Variants in CSF2RB observed in about 807,000 individuals in gnomAD.
The protein encoded by CSF2RB is colony stimulating factor 2 receptor subunit beta, also known as cytokine receptor common subunit beta.
A neutral mutation model predicts 67.2 loss-of-function variants in CSF2RB; 22 were observed. The ratio of observed to expected loss-of-function variants is 0.33; its 90% CI spans 0.23 to 0.47. The LOEUF (loss-of-function observed/expected upper bound fraction) is 0.47, where lower values mean the gene tolerates loss of function less well. CSF2RB is among the 20% of genes least tolerant of loss of function. The pLI is 1.00. For synonymous variants in CSF2RB, 507 were observed against 482.9 expected, an observed-to-expected ratio of 1.05 and a Z score of -0.65; for missense variants, 1,113 against 1,174.5, an observed-to-expected ratio of 0.95 and a Z score of 0.76.
Position 36,938,286 on chromosome 22 carries a change from C to G in CSF2RB, c.2478C>G (p.Pro826=), listed in dbSNP as rs149165135. Residue 826 remains proline, a synonymous_variant, in exon 14 of 14, where the codon CCC becomes CCG. Transcript: ENST00000403662. ...AAGTGGGCGACTATTGCTTCCTCCC[C>G]GGCCTGGGGCCCGGCCCTCTCTCGC... ...LQQVGDYCFL[P]GLGPGPLSLR... 1.2e-6 allele frequency: 2 copies of G among 1,614,106 alleles called. No homozygotes were observed. Among genetic ancestry groups the G allele is most frequent in the African/African-American group, 2.7e-5 (2 of 74,946 alleles).
intron 3 of CSF2RB, 45 bp downstream of exon 3, chr22:36,923,412 T>G: frequency 1.2e-6 from 2 of 1,601,834 alleles, no homozygotes; most frequent in Non-Finnish European, 8.5e-7. Flanking sequence ...GGCTACGACG[T>G]CCCCTGTGCC....
At chr22:36,929,257 G>A in intron 4 of CSF2RB, 145 bp from the exon 5 acceptor site, 4 of 1,023,238 alleles carry the variant, frequency 3.9e-6, no homozygotes, top group Non-Finnish European at 6.0e-6. Context: ...GAGGCTCACA[G>A]AGGAGACGGG....
intron 1 of CSF2RB, among the ~76,000 whole-genome samples, chr22:36,918,743 G>A (rs1940781213): frequency 6.6e-6 from 1 of 152,222 alleles, no homozygotes; most frequent in African/African-American, 2.4e-5. Flanking sequence ...TAACAACATA[G>A]AAGTTTCTTT....
At chr22:36,926,245 C>T in intron 4 of CSF2RB, 68 bp downstream of exon 4, 1 of 1,505,552 alleles carries the variant, frequency 6.6e-7, no homozygotes, top group Non-Finnish European at 9.2e-7. Flanking sequence ...CAGGGGTGGT[C>T]CAGGGAGTCT....
Position 36,938,424 on chromosome 22 carries a change from G to A in CSF2RB, c.2616G>A (p.Gln872=). 5 of 1,614,158 alleles carry A rather than the reference G, an allele frequency of 3.1e-6. No individual in the cohort carries two copies. The highest frequency in any genetic ancestry group is 1.1e-5 in the South Asian group (1 of 91,084). ...GQAVPQVPVI[Q]LFKALKQQDY... ...CTGTGCCCCAGGTGCCCGTCATTCA[G>A]CTCTTCAAAGCCCTGAAGCAGCAGG... The change falls in exon 14 of 14, where the codon CAG becomes CAA. Residue 872 remains glutamine, a synonymous_variant. Coordinates refer to ENST00000403662, the MANE Select transcript of CSF2RB (RefSeq NM_000395.3).
Position 36,933,908 on chromosome 22 carries a change from C to T in CSF2RB, c.1229C>T (p.Ala410Val). ...PALEPSTRYW[A>V]RVRVRTSRTG... ...CTGGAGCCCTCCACCAGGTACTGGG[C>T]CAGGGTGAGGGTCAGGACCTCCCGC... Residue 410 changes from alanine (A) to valine (V), a missense_variant, in exon 10 of 14, where the codon GCC becomes GTC. Physicochemically the swap from Ala to Val is moderately conservative, Grantham distance 64 (BLOSUM62 0). Around this residue, in one of 2 missense-constraint regions of CSF2RB, gnomAD observed 559 missense variants for 656.5 expected, o/e 0.85. Transcript: ENST00000403662. The T allele has an allele frequency of 6.2e-7, 1 of 1,612,056 alleles. No individual in the cohort carries two copies. The highest frequency in any genetic ancestry group is 8.5e-7 in the Non-Finnish European group (1 of 1,179,974).
At chr22:36,931,118 C>T (rs1378369789) in intron 8 of CSF2RB, among the ~76,000 whole-genome samples, 2 of 152,252 alleles carry the variant, frequency 1.3e-5, no homozygotes, top group Admixed American at 6.5e-5. Context: ...CCTCCTGGTC[C>T]TGTCACCAAA....
rs148670393 is a variant in CSF2RB at position 36,917,697 on chromosome 22, G to A, written c.-173+4020G>A. On this transcript the variant is annotated intron_variant, in intron 1 of 13. Transcript: ENST00000403662. ...CCAGCACTTTGGGAGGCCAAGGTGG[G>A]CAGATCACTTGAGGCCAGGAGTTGA... 5.0e-3 allele frequency among the ~76,000 whole-genome samples: 757 copies of A among 152,276 alleles called. 5 individuals are homozygous for A. Among genetic ancestry groups the A allele is most frequent in the African/African-American group, 0.018 (739 of 41,548 alleles).
Position 36,932,871 on chromosome 22 carries a change from G to A in CSF2RB, c.1119G>A (p.Glu373=), listed in dbSNP as rs144452731. The A allele has an allele frequency of 5.1e-3, 8,257 of 1,614,150 alleles. 26 individuals are homozygous for A. The highest frequency in any genetic ancestry group is 5.6e-3 in the Non-Finnish European group (6,652 of 1,180,036). The change falls in exon 9 of 14, where the codon GAG becomes GAA. Residue 373 remains glutamate, a synonymous_variant. Transcript: ENST00000403662. ...MRYEHIDHTF[E]IQYRKDTATW... is the part of the protein sequence containing the mutation. The stretch of plus-strand genomic sequence containing the variant: ...ACGAACACATAGACCACACATTTGA[G>A]ATCCAGTACAGGAAAGACACGGCCA...
At chr22:36,926,278 G>A in intron 4 of CSF2RB, 101 bp downstream of exon 4, 2 of 1,225,524 alleles carry the variant, frequency 1.6e-6, no homozygotes, top group Non-Finnish European at 2.3e-6. Context: ...GCTGTGGCTT[G>A]GGGTTGGGTG....
chr22:36,938,356 A>C lies in CSF2RB; in HGVS notation c.2548A>C (p.Asn850His), dbSNP rs756494811. 6.2e-7 allele frequency: 1 copy of C among 1,614,130 alleles called. No individual in the cohort carries two copies. The highest frequency in any genetic ancestry group is 8.5e-7 in the Non-Finnish European group (1 of 1,180,012). Residue 850 changes from asparagine (N) to histidine (H), a missense_variant, in exon 14 of 14, where the codon AAC becomes CAC. Physicochemically the swap from Asn to His is moderately conservative, Grantham distance 68. This residue lies in a region of CSF2RB where 554 missense variants were observed against 517.9 expected (regional missense o/e 1.07). Coordinates refer to ENST00000403662, the MANE Select transcript of CSF2RB (RefSeq NM_000395.3). ...SSPGPGPEIK[N>H]LDQAFQVKKP... is the part of the protein sequence containing the mutation. ...CCCGGGACCCGGTCCTGAGATCAAG[A>C]ACCTAGACCAGGCTTTTCAAGTCAA...
In CSF2RB at chr22:36,937,761, C is replaced by A. The variant is rs774057390; in HGVS notation, c.1953C>A (p.Ala651=). 9 of 1,573,738 alleles carry A rather than the reference C, an allele frequency of 5.7e-6. No homozygotes were observed. The highest frequency in any genetic ancestry group is 1.9e-5 in the Admixed American group (1 of 52,660). The part of the protein sequence containing the change: ...PLAQAMGPGQ[A]VEVERRPSQG... The stretch of plus-strand genomic sequence containing the variant: ...CCCAGGCGATGGGACCAGGACAGGC[C>A]GTGGAAGTGGAGAGAAGGCCGAGCC... Residue 651 remains alanine, a synonymous_variant, in exon 14 of 14, where the codon GCC becomes GCA. Transcript: ENST00000403662. This position sits in a 1 kb window ranked among gnomAD's most constrained non-coding sequence, Gnocchi z 4.6.
At chr22:36,915,602 G>C (rs1453894235) in intron 1 of CSF2RB, among the ~76,000 whole-genome samples, 1 of 152,068 alleles carries the variant, frequency 6.6e-6, no homozygotes, top group South Asian at 2.1e-4. Context: ...CACCTAGATT[G>C]TTTCTAATTT....
Position 36,938,736 on chromosome 22 carries a change from T to G in CSF2RB, c.*234T>G, listed in dbSNP as rs981900608. The G allele has an allele frequency of 6.9e-5, 39 of 561,966 alleles. No individual in the cohort carries two copies. Among genetic ancestry groups the G allele is most frequent in the Middle Eastern group, 4.6e-4 (1 of 2,166 alleles). 34.8% of individuals were successfully genotyped at this position (561,966 alleles called of 1,614,324 possible). A position where few individuals can be genotyped will look rare whatever the true frequency, so the allele number is the denominator to read the frequency against. On this transcript the variant is annotated 3_prime_UTR_variant, in exon 14 of 14. Transcript: ENST00000403662. Reference sequence around the variant, plus strand: ...ACATGCACACATTTTTCCTGTCAGGTTAACTTATTTGTAGGTTCTGCATTA... The same window carrying G: ...ACATGCACACATTTTTCCTGTCAGGGTAACTTATTTGTAGGTTCTGCATTA...
chr22:36,934,392 T>C (rs1941225376), intron 10 of CSF2RB, among the ~76,000 whole-genome samples: 1 of 152,160 alleles, frequency 6.6e-6, no homozygotes, highest in African/African-American at 2.4e-5. Flanking sequence ...ACACCTGGTG[T>C]TCAGTACAGA....
Position 36,938,640 on chromosome 22 carries a change from G to T in CSF2RB, c.*138G>T. The T allele has an allele frequency of 1.1e-6, 1 of 901,624 alleles. No individual in the cohort carries two copies. Among genetic ancestry groups the T allele is most frequent in the Admixed American group, 2.9e-5 (1 of 34,554 alleles). The allele number at this position is 901,624 out of a possible 1,614,324, so 55.9% of individuals were successfully genotyped here. On this transcript the variant is annotated 3_prime_UTR_variant, in exon 14 of 14. Coordinates refer to ENST00000403662, the MANE Select transcript of CSF2RB (RefSeq NM_000395.3). ...GAGGCCTGGGAAAGGAGATAGCCTT[G>T]CTCCGGCCCCCTTGACCTTCAGCAA...
rs376146978 is a variant in CSF2RB at position 36,930,519 on chromosome 22, C to G, written c.854+9C>G. The G allele has an allele frequency of 7.4e-6, 12 of 1,612,970 alleles. No homozygotes were observed. The highest frequency in any genetic ancestry group is 1.0e-5 in the Non-Finnish European group (12 of 1,179,998). ...CCCAGCCCAGATGCAGGGTGAGCAT[C>G]TTTTTTCTCCATCCCCTCCCCTCCT... On this transcript the variant is annotated intron_variant, in intron 7 of 13. Coordinates refer to ENST00000403662, the MANE Select transcript of CSF2RB (RefSeq NM_000395.3).
Position 36,930,692 on chromosome 22 carries a change from G to C in CSF2RB, c.874G>C (p.Val292Leu), listed in dbSNP as rs1030675779. 6.2e-7 allele frequency: 1 copy of C among 1,612,922 alleles called. No homozygotes were observed. Among genetic ancestry groups the C allele is most frequent in the Admixed American group, 1.7e-5 (1 of 60,018 alleles). ...CCTCAGGGAGGAAGAGTGCTCCCCA[G>C]TGCTGAGGGAGGGGCTCGGCAGCCT... Reference protein sequence around the residue: ...PDAGEEECSPVLREGLGSLHT... With the variant: ...PDAGEEECSPLLREGLGSLHT... Residue 292 changes from valine (V) to leucine (L), a missense_variant, in exon 8 of 14, where the codon GTG becomes CTG. Val to Leu is a conservative substitution (Grantham distance 32). Coordinates refer to ENST00000403662, the MANE Select transcript of CSF2RB (RefSeq NM_000395.3).
intron 1 of CSF2RB, among the ~76,000 whole-genome samples, chr22:36,915,210 G>T (rs1940690748): frequency 6.6e-6 from 1 of 151,994 alleles, no homozygotes; most frequent in Admixed American, 6.6e-5. Context: ...TCAGCCTCCT[G>T]AGTAGCCGGG....
Sources: allele counts gnomAD v4.1 joint callset (sites outside exome capture counted in the v4.1 genomes callset), GRCh38; gene constraint gnomAD v4.1.1; regional missense constraint gnomAD v4.1.1; non-coding constraint Gnocchi (gnomAD v3.1); transcripts MANE v1.5; gene names NCBI Gene and HGNC (gene_info 2026-07-23, HGNC 2026-07-21).